The following ERICH1 variants were observed in gnomAD, a reference collection of about 807,000 sequenced individuals.
ERICH1 encodes the protein glutamate-rich protein 1.
In ERICH1, 56 loss-of-function variants were observed where a neutral mutation model predicts 39.6. The ratio of observed to expected loss-of-function variants is 1.41; its 90% CI spans 1.14 to 1.77. ERICH1 has a LOEUF of 1.77. ERICH1 is among the 40% of genes most tolerant of loss of function. The pLI is 0.00. For missense variants in ERICH1, 826 were observed against 575.4 expected (o/e 1.44, Z -4.45); for synonymous variants, 313 against 223.6 (o/e 1.40, Z -3.57).
In ERICH1 at chr8:722,299, G is replaced by C. The variant is rs555704193; in HGVS notation, c.23-6292C>G. Among the ~76,000 whole-genome samples the C allele has an allele frequency of 3.1e-4, 47 of 150,956 alleles. No homozygotes were observed. The South Asian group carries it at 8.9e-3, about 29-fold the overall frequency. ...AGCAATCAGCACCGAGAAAAAGAGA[G>C]ACACAACAACAAAAGGCCAAGGCCC... On this transcript the variant is annotated intron_variant, in intron 1 of 5. Coordinates refer to ENST00000262109, the MANE Select transcript of ERICH1 (RefSeq NM_207332.3).
chr8:638,662 G>C (rs962415920), intron 3 of ERICH1, among the ~76,000 whole-genome samples: 1 of 152,152 alleles, frequency 6.6e-6, no homozygotes, highest in Non-Finnish European at 1.5e-5. Context: ...GATAATTTAA[G>C]TTGCTGTTGT....
intron 1 of ERICH1, chr8:725,283 T>A (rs1476817076): frequency 6.3e-6 from 1 of 159,202 alleles, no homozygotes; most frequent in Non-Finnish European, 1.4e-5. Context: ...CCGTGTCTAC[T>A]GCACCCAGCG....
intron 2 of ERICH1, among the ~76,000 whole-genome samples, chr8:709,869 C>CAT (rs751845120): frequency 7.2e-5 from 11 of 152,222 alleles, no homozygotes; most frequent in Non-Finnish European, 1.3e-4. Flanking sequence ...CACCTAATTT[C>CAT]ATCTTCCTAC....
chr8:662,496 A>G (rs982801812), downstream of ERICH1, among the ~76,000 whole-genome samples: 1 of 151,962 alleles, frequency 6.6e-6, no homozygotes, highest in Non-Finnish European at 1.5e-5. Context: ...TAAAAATACA[A>G]AATTAGTCAT....
intron 3 of ERICH1, among the ~76,000 whole-genome samples, chr8:636,518 TG>T (rs1476852869): frequency 6.6e-6 from 1 of 152,252 alleles, no homozygotes; most frequent in Non-Finnish European, 1.5e-5. Context: ...CTGCCCCACG[TG>T]GGCCCAACAG....
chr8:629,000 A>G (rs1376595776), intron 3 of ERICH1, among the ~76,000 whole-genome samples: 1 of 152,122 alleles, frequency 6.6e-6, no homozygotes, highest in Non-Finnish European at 1.5e-5. Context: ...TGAATCCATC[A>G]GCATCCTTTG....
rs1168365491 is a variant in ERICH1, at chr8:647,593, C to T, written c.976+21005G>A. On this transcript the variant is annotated intron_variant, in intron 3 of 3. Coordinates refer to the ERICH1 transcript ENST00000522706. The stretch of plus-strand genomic sequence containing the variant: ...AACACTGGAGAGGCAGAAGATAGTA[C>T]AGTGGGTCTGCTAGGAGGGGAAAAC... 1.0e-4 allele frequency among the ~76,000 whole-genome samples: 7 copies of T among 67,522 alleles called. 1 individual carries two copies. The East Asian group carries it at 2.1e-3, about 20-fold the overall frequency. The allele number at this position is 67,522 out of a possible 152,430, so 44.3% of individuals were successfully genotyped here. A position where few individuals can be genotyped will look rare whatever the true frequency, so the allele number is the denominator to read the frequency against.
At chr8:687,073 T>C (rs769928284) in intron 3 of ERICH1, among the ~76,000 whole-genome samples, 4 of 152,238 alleles carry the variant, frequency 2.6e-5, no homozygotes, top group African/African-American at 4.8e-5. Context: ...CATGTACGGA[T>C]GTTTAACTCA....
At chr8:689,383 T>G (rs1167279667) in intron 3 of ERICH1, among the ~76,000 whole-genome samples, 5 of 152,256 alleles carry the variant, frequency 3.3e-5, no homozygotes, top group Non-Finnish European at 7.3e-5. Context: ...AGTGCTGGAA[T>G]TACAGGCGTG....
chr8:700,144 G>C lies in ERICH1; in HGVS notation c.170-7532C>G, dbSNP rs543530459. Among the ~76,000 whole-genome samples the C allele has an allele frequency of 6.0e-4, 70 of 116,054 alleles. 1 individual carries two copies. The highest frequency in any genetic ancestry group is 2.3e-3 in the Admixed American group (26 of 11,458). 76.1% of individuals were successfully genotyped at this position (116,054 alleles called of 152,430 possible). A position where few individuals can be genotyped will look rare whatever the true frequency, so the allele number is the denominator to read the frequency against. ...CCTCACAGGCGCACAGACCCGCACA[G>C]GCGCACAGACCCGCACACGCGCACA... On this transcript the variant is annotated intron_variant, in intron 2 of 5. Coordinates refer to ENST00000262109, the MANE Select transcript of ERICH1 (RefSeq NM_207332.3).
chr8:730,459 A>C (rs1296707586), intron 1 of ERICH1, among the ~76,000 whole-genome samples: 1 of 152,202 alleles, frequency 6.6e-6, no homozygotes, highest in African/African-American at 2.4e-5. Context: ...TCATGTCAAA[A>C]ACCGCCACTC....
Position 692,462 on chromosome 8 carries a change from C to T in ERICH1, c.304+16G>A. On this transcript the variant is annotated intron_variant, in intron 3 of 5. Coordinates refer to ENST00000262109, the MANE Select transcript of ERICH1 (RefSeq NM_207332.3). The stretch of plus-strand genomic sequence containing the variant: ...TCTGCAAAGATGTCTACCTTTCCTC[C>T]CACCCAGCATTTTACCTTCTGTGTC... The T allele has an allele frequency of 3.7e-6, 6 of 1,613,958 alleles. No individual in the cohort carries two copies. The highest frequency in any genetic ancestry group is 5.1e-6 in the Non-Finnish European group (6 of 1,179,918).
intron 1 of ERICH1, among the ~76,000 whole-genome samples, chr8:726,972 CG>C (rs1818898882): frequency 7.5e-6 from 1 of 132,864 alleles, no homozygotes; most frequent in African/African-American, 4.2e-5. Context: ...CATGCACACA[CG>C]TACACATACA....
chr8:633,754 G>A (rs1397656161), intron 3 of ERICH1, among the ~76,000 whole-genome samples: 1 of 152,230 alleles, frequency 6.6e-6, no homozygotes, highest in Middle Eastern at 3.2e-3. Flanking sequence ...ATGGGCTTTG[G>A]CACAGGTGCC....
chr8:695,437 C>G (rs1226933055), intron 2 of ERICH1, among the ~76,000 whole-genome samples: 1 of 152,086 alleles, frequency 6.6e-6, no homozygotes, highest in Non-Finnish European at 1.5e-5. Context: ...GCTCACCTGG[C>G]AGAGGCCAGC....
intron 2 of ERICH1, among the ~76,000 whole-genome samples, chr8:704,708 T>C (rs1812870709): frequency 6.6e-6 from 1 of 152,062 alleles, no homozygotes; most frequent in African/African-American, 2.4e-5. Context: ...ACCAAAATCC[T>C]TAGTTTCCAA....
chr8:635,742 A>C (rs1798387223), intron 3 of ERICH1, among the ~76,000 whole-genome samples: 1 of 152,064 alleles, frequency 6.6e-6, no homozygotes, highest in African/African-American at 2.4e-5. Context: ...GTCACCATCG[A>C]GTGGGGCCGA....
At chr8:620,755 AC>A (rs1797232005) in intron 3 of ERICH1, among the ~76,000 whole-genome samples, 2 of 152,228 alleles carry the variant, frequency 1.3e-5, no homozygotes, top group Admixed American at 6.5e-5. Flanking sequence ...ACCCATATGC[AC>A]CTAACAGTGG....
chr8:672,930 G>A (rs1803758417), intron 4 of ERICH1, among the ~76,000 whole-genome samples: 2 of 152,220 alleles, frequency 1.3e-5, no homozygotes, highest in African/African-American at 2.4e-5. Flanking sequence ...TTTATCTCTT[G>A]TTTAGAAAAA....
Sources: allele counts gnomAD v4.1 joint callset (sites outside exome capture counted in the v4.1 genomes callset), GRCh38; gene constraint gnomAD v4.1.1; transcripts MANE v1.5; gene names NCBI Gene and HGNC (gene_info 2026-07-23, HGNC 2026-07-21).